The following SIGLECL1 variants were observed in gnomAD, a reference collection of about 807,000 sequenced individuals.
The protein encoded by SIGLECL1 is SIGLEC family like 1, also known as SIGLEC family-like protein 1.
Under a neutral mutation model 19.1 loss-of-function variants are expected in SIGLECL1, and 16 were observed. The ratio of observed to expected loss-of-function variants is 0.84; its 90% CI spans 0.57 to 1.27. The LOEUF (loss-of-function observed/expected upper bound fraction) is 1.27. Among genes scored for constraint, SIGLECL1 ranks in the 50% most tolerant of loss-of-function variants. The pLI, the probability that SIGLECL1 is intolerant of heterozygous loss-of-function variation, is 0.00. For missense variants in SIGLECL1, 210 were observed against 239.4 expected (o/e 0.88, Z 0.81); for synonymous variants, 89 against 90.4 (o/e 0.98, Z 0.09).
At chr19:51,266,200 G>A (rs183624095) in intron 4 of SIGLECL1, among the ~76,000 whole-genome samples, 201 of 152,266 alleles carry the variant, frequency 1.3e-3, no homozygotes, top group African/African-American at 4.3e-3. Flanking sequence ...TTCAGTACTC[G>A]TTAGCTTGGT....
intron 1 of SIGLECL1, among the ~76,000 whole-genome samples, chr19:51,262,308 A>G (rs1710381): frequency 0.58 from 87,481 of 152,040 alleles, 25,479 homozygotes; most frequent in Admixed American, 0.64. Flanking sequence ...CCCTTATATT[A>G]TGGCTAGTCT....
intron 2 of SIGLECL1, among the ~76,000 whole-genome samples, chr19:51,264,941 C>T (rs189126565): frequency 2.0e-5 from 3 of 152,266 alleles, no homozygotes; most frequent in East Asian, 1.9e-4. Context: ...GCAAATATCC[C>T]GATTTTCCAG....
Position 51,265,881 on chromosome 19 carries a change from A to G in SIGLECL1, c.409A>G (p.Ile137Val), listed in dbSNP as rs755599473. ...GCTCTTCCTCTGCCTCCTCCCTCTC[A>G]TGTGAGTACTAGGGTTAATATTCAC... is the stretch of plus-strand genomic sequence containing the variant. ...ALLFLCLLPL[I>V]VKHIRKKQAK... Residue 137 changes from isoleucine (I) to valine (V), a missense_variant and splice_region_variant, in exon 4 of 6, where the codon ATA (isoleucine) becomes GTA (valine). Coordinates refer to ENST00000601727, the MANE Select transcript of SIGLECL1 (RefSeq NM_001385465.1). The G allele has an allele frequency of 1.2e-6, 2 of 1,613,874 alleles. No individual in the cohort carries two copies. Among genetic ancestry groups the G allele is most frequent in the East Asian group, 2.2e-5 (1 of 44,870 alleles).
chr19:51,265,366 A>C lies in SIGLECL1; in HGVS notation c.23-2A>C. ...CTGACTCCTGACCCTTCCTCCCCAC[A>C]GTACCTGCTAAGCTGCTCAACTCCT... On this transcript the variant is annotated splice_acceptor_variant, in intron 2 of 5. Transcript: ENST00000601727. LOFTEE classifies it high-confidence loss of function. The C allele has an allele frequency of 6.2e-7, 1 of 1,600,512 alleles. No homozygotes were observed. The highest frequency in any genetic ancestry group is 8.6e-7 in the Non-Finnish European group (1 of 1,169,494).
chr19:51,248,837 G>A (rs1391594493), upstream of SIGLECL1, among the ~76,000 whole-genome samples: 4 of 152,138 alleles, frequency 2.6e-5, no homozygotes, highest in Non-Finnish European at 5.9e-5. Flanking sequence ...TCTACTTAGA[G>A]GTTAGTAGGC....
intron 1 of SIGLECL1, among the ~76,000 whole-genome samples, chr19:51,263,109 C>T (rs1001526912): frequency 2.6e-5 from 4 of 151,956 alleles, no homozygotes; most frequent in Non-Finnish European, 4.4e-5. Flanking sequence ...ATGTTGCCCA[C>T]GCTGGAATTA....
rs1983460738 is a variant in SIGLECL1 at position 51,264,177 on chromosome 19, G to A, written c.22+83G>A. ...TGGGTGTTGGCAGGGCAGAGGATGG[G>A]CTATGGAGGCATGGAGAAAGAGGAC... On this transcript the variant is annotated intron_variant, in intron 2 of 5. Coordinates refer to ENST00000601727, the MANE Select transcript of SIGLECL1 (RefSeq NM_001385465.1). 4.6e-6 allele frequency: 7 copies of A among 1,518,160 alleles called. No individual in the cohort carries two copies. In the Admixed American group the frequency reaches 1.1e-4, roughly 23 times the overall value. 94.0% of individuals were successfully genotyped at this position (1,518,160 alleles called of 1,614,324 possible).
At chr19:51,246,789 TG>T (rs1895099078), upstream of SIGLECL1, among the ~76,000 whole-genome samples, 1 of 152,124 alleles carries the variant, frequency 6.6e-6, no homozygotes, top group South Asian at 2.1e-4. Context: ...ACAAGTTTAT[TG>T]GGGGTCTGAA....
In SIGLECL1 at chr19:51,267,766, C is replaced by A. The variant is rs371827146; in HGVS notation, c.567+237C>A. Among the ~76,000 whole-genome samples, 6 of 152,266 alleles carry A rather than the reference C, an allele frequency of 3.9e-5. No individual in the cohort carries two copies. In the South Asian group the frequency reaches 1.0e-3, roughly 26 times the overall value. On this transcript the variant is annotated intron_variant, in intron 5 of 5. Coordinates refer to ENST00000601727, the MANE Select transcript of SIGLECL1 (RefSeq NM_001385465.1). ...TTAAAATCAATTTACACGCACACAC[C>A]ATTACATTGAATCCCCACTGAAAAG...
intron 4 of SIGLECL1, among the ~76,000 whole-genome samples, chr19:51,266,810 T>C (rs1983710720): frequency 6.6e-6 from 1 of 152,134 alleles, no homozygotes; most frequent in Admixed American, 6.6e-5. Context: ...GGGGAGCCTG[T>C]CCAGACAGCT....
chr19:51,266,313 T>C (rs907030589), intron 4 of SIGLECL1, among the ~76,000 whole-genome samples: 2 of 152,114 alleles, frequency 1.3e-5, no homozygotes, highest in African/African-American at 4.8e-5. Flanking sequence ...ATGCCACAAG[T>C]AGAAAATTCC....
upstream of SIGLECL1, among the ~76,000 whole-genome samples, chr19:51,247,069 G>C (rs966472229): frequency 1.3e-5 from 2 of 152,164 alleles, no homozygotes; most frequent in African/African-American, 4.8e-5. Flanking sequence ...TCTTCTCCCT[G>C]TGCCCAGTTA....
chr19:51,257,185 C>T (rs879363832), intron 1 of SIGLECL1, among the ~76,000 whole-genome samples: 5 of 151,974 alleles, frequency 3.3e-5, no homozygotes, highest in Non-Finnish European at 5.9e-5. Context: ...GGTGGGAGGA[C>T]GGCTTGAGCC....
chr19:51,256,031 A>G (rs1018304587), intron 1 of SIGLECL1: 129 of 152,266 alleles, frequency 8.5e-4, no homozygotes, highest in African/African-American at 3.0e-3. Context: ...CGTGGAATCA[A>G]CGTAAGTGTC....
At chr19:51,254,176 T>A (rs528592473) in intron 1 of SIGLECL1, among the ~76,000 whole-genome samples, 3 of 152,076 alleles carry the variant, frequency 2.0e-5, no homozygotes, top group South Asian at 4.2e-4. Context: ...ATATTTTTTT[T>A]AAATGAATTG....
intron 5 of SIGLECL1, among the ~76,000 whole-genome samples, chr19:51,268,000 C>T (rs113250892): frequency 1.2e-3 from 185 of 152,220 alleles, no homozygotes; most frequent in African/African-American, 3.6e-3. Flanking sequence ...ATACAGTGTC[C>T]GAGGTTGCTA....
rs1983770424 is a variant in SIGLECL1 at position 51,267,518 on chromosome 19, A to G, written c.556A>G (p.Ser186Gly). 3.1e-6 allele frequency: 5 copies of G among 1,614,034 alleles called. No individual in the cohort carries two copies. The highest frequency in any genetic ancestry group is 1.3e-5 in the African/African-American group (1 of 74,916). The change falls in exon 5 of 6, where the codon AGC (serine) becomes GGC (glycine). Residue 186 changes from serine (S) to glycine (G), a missense_variant. Physicochemically the swap from Ser to Gly is moderately conservative, Grantham distance 56. Transcript: ENST00000601727. ...ACCCGTAGTCGCCACATTTTCTGAG[A>G]GCCGGATATTGGTATGTACCTATTG... Reference protein sequence around the residue: ...GKPVVATFSESRILEKQDKRA... With the variant: ...GKPVVATFSEGRILEKQDKRA...
intron 1 of SIGLECL1, among the ~76,000 whole-genome samples, chr19:51,251,837 A>C (rs948987994): frequency 6.6e-6 from 1 of 152,204 alleles, no homozygotes; most frequent in African/African-American, 2.4e-5. Context: ...TTAGTAAGTC[A>C]GCCCTTCCCT....
At position 51,267,355 on chromosome 19, in the gene SIGLECL1, C is replaced by T. The variant is rs1345781669; in HGVS notation, c.411-18C>T. 6.2e-7 allele frequency: 1 copy of T among 1,606,948 alleles called. No individual in the cohort carries two copies. Among genetic ancestry groups the T allele is most frequent in the East Asian group, 2.2e-5 (1 of 44,866 alleles). On this transcript the variant is annotated intron_variant, in intron 4 of 5. Coordinates refer to ENST00000601727, the MANE Select transcript of SIGLECL1 (RefSeq NM_001385465.1). Reference sequence around the variant, plus strand: ...GGGAGATGGAGAGCCAGAACCAATCCAAGGCTTATTTCCTTAGAGTGAAAC... The same window carrying T: ...GGGAGATGGAGAGCCAGAACCAATCTAAGGCTTATTTCCTTAGAGTGAAAC...
Sources: gnomAD v4.1 joint callset for allele counts (sites outside exome capture counted in the v4.1 genomes callset) on GRCh38, gnomAD v4.1.1 for gene constraint, MANE v1.5 for transcripts, NCBI Gene and HGNC (gene_info 2026-07-23, HGNC 2026-07-21) for gene names.